PIP5K1B: variants seen among roughly 807,000 people sequenced by gnomAD.
The protein encoded by PIP5K1B is phosphatidylinositol 4-phosphate 5-kinase type-1 beta.
In PIP5K1B, 42 loss-of-function variants were observed where a neutral mutation model predicts 67.0. The ratio of observed to expected loss-of-function variants is 0.63; its 90% confidence interval spans 0.49 to 0.81. The LOEUF (loss-of-function observed/expected upper bound fraction) is 0.81, where lower values mean the gene tolerates loss of function less well. Ranked by LOEUF, PIP5K1B falls within the 30% of genes least tolerant of loss-of-function variation. The pLI is 0.00. For synonymous variants in PIP5K1B, 214 were observed against 231.4 expected, an observed-to-expected ratio of 0.92 and a Z score of 0.68; for missense variants, 459 against 646.3, an observed-to-expected ratio of 0.71 and a Z score of 3.14.
At chr9:68,818,296 G>A (rs1556751) in intron 2 of PIP5K1B, among the ~76,000 whole-genome samples, 165 bp from the exon 3 acceptor site, 96,424 of 152,132 alleles carry the variant, frequency 0.63, 30,749 homozygotes, top group Admixed American at 0.73. Flanking sequence ...CCTTGCTGAT[G>A]GAATCATCTT....
chr9:68,879,542 T>C (rs777704562), intron 6 of PIP5K1B, among the ~76,000 whole-genome samples: 1 of 152,120 alleles, frequency 6.6e-6, no homozygotes, highest in Non-Finnish European at 1.5e-5. Context: ...TACTCCAGCC[T>C]GGGTGACAGA....
intron 2 of PIP5K1B, among the ~76,000 whole-genome samples, chr9:68,779,147 C>G (rs2132447779): frequency 6.6e-6 from 1 of 151,870 alleles, no homozygotes; most frequent in African/African-American, 2.4e-5. Flanking sequence ...AAAACCTTGA[C>G]TGACTGAATA....
chr9:68,760,512 C>A (rs1030033107), intron 2 of PIP5K1B, among the ~76,000 whole-genome samples: 1 of 151,998 alleles, frequency 6.6e-6, no homozygotes, highest in Non-Finnish European at 1.5e-5. Context: ...AGAATTCATA[C>A]CCACATTTCT....
chr9:68,988,888 AG>A (rs1396535729), intron 14 of PIP5K1B, among the ~76,000 whole-genome samples: 1 of 151,592 alleles, frequency 6.6e-6, no homozygotes, highest in Non-Finnish European at 1.5e-5. Context: ...CGAGGTCAGG[AG>A]TTTGAGACCA....
intron 14 of PIP5K1B, among the ~76,000 whole-genome samples, chr9:68,972,032 T>G (rs755453831): frequency 6.6e-6 from 1 of 152,192 alleles, no homozygotes; most frequent in Non-Finnish European, 1.5e-5. Context: ...TGCCATTGCT[T>G]TTGGTGTTTT....
At chr9:68,830,700 C>T (rs922488531) in intron 4 of PIP5K1B, among the ~76,000 whole-genome samples, 90 of 152,314 alleles carry the variant, frequency 5.9e-4, no homozygotes, top group African/African-American at 2.1e-3. Flanking sequence ...CAAAAAAACC[C>T]CACAGTGTTG....
intron 14 of PIP5K1B, among the ~76,000 whole-genome samples, chr9:68,985,997 C>T (rs1235103922): frequency 1.3e-5 from 2 of 152,180 alleles, no homozygotes; most frequent in South Asian, 4.1e-4. Flanking sequence ...TTTGTCCATT[C>T]ATCAGTTGGT....
intron 1 of PIP5K1B, among the ~76,000 whole-genome samples, chr9:68,723,850 G>A (rs944794254): frequency 6.6e-6 from 1 of 151,916 alleles, no homozygotes. Context: ...TTCCTTTGCT[G>A]TGCAGAAGCT....
At chr9:68,936,370 A>G (rs974749584) in intron 13 of PIP5K1B, among the ~76,000 whole-genome samples, 2 of 75,542 alleles carry the variant, frequency 2.6e-5, no homozygotes, top group Non-Finnish European at 7.6e-5. Flanking sequence ...CTACTTTGCT[A>G]AAAGTTTTTT....
At chr9:68,831,878 T>C (rs1057082276) in intron 4 of PIP5K1B, among the ~76,000 whole-genome samples, 2 of 152,152 alleles carry the variant, frequency 1.3e-5, no homozygotes, top group Non-Finnish European at 1.5e-5. Flanking sequence ...AGTTTCGCCA[T>C]GTTGTCCAGC....
chr9:68,961,603 C>T (rs1412064208), intron 14 of PIP5K1B, among the ~76,000 whole-genome samples: 1 of 152,152 alleles, frequency 6.6e-6, no homozygotes, highest in Non-Finnish European at 1.5e-5. Context: ...ATTTGTCTTT[C>T]TTCTTGGGTT....
rs1445249864 is a variant in PIP5K1B, at chr9:68,818,522, T to G, written c.-24T>G. 6.5e-6 allele frequency: 1 copy of G among 152,672 alleles called. No homozygotes were observed. Among genetic ancestry groups the G allele is most frequent in the African/African-American group, 2.4e-5 (1 of 41,474 alleles). 9.5% of individuals were successfully genotyped at this position (152,672 alleles called of 1,614,324 possible). On this transcript the variant is annotated 5_prime_UTR_variant, in exon 3 of 16. It removes an upstream start codon present in the reference 5' UTR. Transcript: ENST00000265382. ...GCCACCCATCACTACTAACTACAGATGACTTGCCATTTCATTTACAAAGGT... is the reference window on the plus strand; with the variant it reads ...GCCACCCATCACTACTAACTACAGAGGACTTGCCATTTCATTTACAAAGGT...
intron 1 of PIP5K1B, among the ~76,000 whole-genome samples, chr9:68,711,255 A>G (rs958855188): frequency 6.6e-6 from 1 of 152,208 alleles, no homozygotes; most frequent in Non-Finnish European, 1.5e-5. Context: ...TTAATTTAAT[A>G]TACACTTTTT....
Position 68,888,844 on chromosome 9 carries a change from C to T in PIP5K1B, c.319-137C>T, listed in dbSNP as rs1033482338. 44 of 572,784 alleles carry T rather than the reference C, an allele frequency of 7.7e-5. No individual in the cohort carries two copies. The Admixed American group carries it at 1.0e-3, about 13-fold the overall frequency. The allele number at this position is 572,784 out of a possible 1,614,324, so 35.5% of individuals were successfully genotyped here. On this transcript the variant is annotated intron_variant, in intron 6 of 15. Coordinates refer to ENST00000265382, the MANE Select transcript of PIP5K1B (RefSeq NM_003558.4). The stretch of plus-strand genomic sequence containing the variant: ...TCTCAAAAAGAGCCTTCTCGGTATA[C>T]GTGGAGCCTCTTTTAAAGCCCGTAG...
At chr9:68,929,584 C>T (rs1826890106) in intron 12 of PIP5K1B, among the ~76,000 whole-genome samples, 1 of 152,096 alleles carries the variant, frequency 6.6e-6, no homozygotes, top group Admixed American at 6.6e-5. Context: ...CTTTTGATCC[C>T]ACCACTCTAC....
chr9:68,940,596 C>T, intron 13 of PIP5K1B, 50 bp from the exon 14 acceptor site: 1 of 1,563,886 alleles, frequency 6.4e-7, no homozygotes, highest in Non-Finnish European at 8.8e-7. Flanking sequence ...GATACTAAAG[C>T]TGCATTTATC....
At chr9:68,873,740 C>G (rs1480543830) in intron 5 of PIP5K1B, among the ~76,000 whole-genome samples, 1 of 152,106 alleles carries the variant, frequency 6.6e-6, no homozygotes, top group Non-Finnish European at 1.5e-5. Flanking sequence ...TTACCTTTCA[C>G]CTTTTCATTT....
chr9:68,899,725 C>T (rs1564216378), intron 8 of PIP5K1B, among the ~76,000 whole-genome samples: 1 of 152,160 alleles, frequency 6.6e-6, no homozygotes, highest in Non-Finnish European at 1.5e-5. Context: ...TGAGTTTTCC[C>T]ATGGAAGCAA....
chr9:68,799,690 G>A (rs538704144), intron 2 of PIP5K1B, among the ~76,000 whole-genome samples: 2 of 152,338 alleles, frequency 1.3e-5, no homozygotes, highest in Middle Eastern at 3.4e-3. Flanking sequence ...ATATCCATAT[G>A]TGAAAGAATG....
Sources: gnomAD v4.1 joint callset for allele counts (sites outside exome capture counted in the v4.1 genomes callset) on GRCh38, gnomAD v4.1.1 for gene constraint, MANE v1.5 for transcripts, NCBI Gene and HGNC (gene_info 2026-07-23, HGNC 2026-07-21) for gene names.